Variants in PCDH15 observed in about 807,000 individuals in gnomAD.
The protein encoded by PCDH15 is protocadherin related 15.
Under a neutral mutation model 178.5 loss-of-function variants are expected in PCDH15, and 129 were observed. That is an observed-to-expected ratio of 0.72 (90% CI 0.63 to 0.84). The LOEUF (loss-of-function observed/expected upper bound fraction) is 0.84, where lower values mean the gene tolerates loss of function less well. Among genes scored for constraint, PCDH15 ranks in the 40% least tolerant of loss-of-function variants. The probability of loss-of-function intolerance (pLI) is 0.00; values close to 1 mark genes in which losing one functional copy is unlikely to be tolerated. For missense variants in PCDH15, 2,230 were observed against 2,099.9 expected (o/e 1.06, Z -1.21); for synonymous variants, 800 against 732.0 (o/e 1.09, Z -1.50).
intron 2 of PCDH15, among the ~76,000 whole-genome samples, chr10:54,930,093 G>A (rs1182301828): frequency 6.6e-6 from 1 of 152,254 alleles, no homozygotes; most frequent in East Asian, 1.9e-4. Context: ...TCTACCTGGG[G>A]GCTAGGCATG....
intron 10 of PCDH15, among the ~76,000 whole-genome samples, chr10:54,210,025 C>T (rs1164943880): frequency 6.6e-6 from 1 of 152,100 alleles, no homozygotes; most frequent in Non-Finnish European, 1.5e-5. Flanking sequence ...CACATCAGCA[C>T]TAAGAATCAA....
chr10:54,461,734 A>T (rs1423358415), intron 3 of PCDH15, among the ~76,000 whole-genome samples: 1 of 151,958 alleles, frequency 6.6e-6, no homozygotes, highest in Admixed American at 6.6e-5. Flanking sequence ...ATAAAACAGA[A>T]CCTCCTTCTT....
chr10:53,896,850 C>T (rs918847065), intron 26 of PCDH15, among the ~76,000 whole-genome samples: 2 of 152,176 alleles, frequency 1.3e-5, no homozygotes, highest in African/African-American at 2.4e-5. Context: ...TGTCTCTCAT[C>T]ACACCCAGAT....
chr10:54,431,163 C>G (rs1410931082), intron 3 of PCDH15, among the ~76,000 whole-genome samples: 1 of 152,122 alleles, frequency 6.6e-6, no homozygotes, highest in African/African-American at 2.4e-5. Context: ...AGCTTCACTG[C>G]TGAATTCTAC....
chr10:55,488,660 C>T (rs2132125709), intron 2 of PCDH15, among the ~76,000 whole-genome samples: 1 of 151,402 alleles, frequency 6.6e-6, no homozygotes, highest in African/African-American at 2.4e-5. Flanking sequence ...AGGATAAAAG[C>T]TGAAAAAGAA....
In PCDH15 at chr10:54,870,659, G is replaced by C. The variant is rs565765881; in HGVS notation, c.-29+26791C>G. On this transcript the variant is annotated intron_variant, in intron 3 of 5. Transcript: ENST00000458638. ...AAATTAGCCGGGCGTGGTGGCGGGC[G>C]CCTGTAGTCCCAGCTACTCCGGAGG... Among the ~76,000 whole-genome samples the C allele has an allele frequency of 3.9e-5, 6 of 151,924 alleles. No homozygotes were observed. In the East Asian group the frequency reaches 9.7e-4, roughly 25 times the overall value.
At chr10:54,855,158 C>T (rs1255366196) in intron 3 of PCDH15, among the ~76,000 whole-genome samples, 1 of 152,218 alleles carries the variant, frequency 6.6e-6, no homozygotes, top group African/African-American at 2.4e-5. Context: ...AGAAGCCAGG[C>T]AGTGGTAGCA....
chr10:55,139,640 A>G (rs1478372737), intron 2 of PCDH15, among the ~76,000 whole-genome samples: 8 of 152,024 alleles, frequency 5.3e-5, no homozygotes, highest in African/African-American at 1.9e-4. Context: ...ATTCTGTTCC[A>G]TCGATCTGCA....
chr10:54,383,251 A>G (rs1056125900), intron 3 of PCDH15, among the ~76,000 whole-genome samples: 1 of 152,086 alleles, frequency 6.6e-6, no homozygotes, highest in Non-Finnish European at 1.5e-5. Context: ...AAAAAAAAAG[A>G]CTATGTATGC....
intron 2 of PCDH15, among the ~76,000 whole-genome samples, chr10:55,576,245 A>G (rs1842495381): frequency 6.6e-6 from 1 of 152,194 alleles, no homozygotes; most frequent in Non-Finnish European, 1.5e-5. Flanking sequence ...ATATTATTAA[A>G]GGTTAGAAAA....
At chr10:55,589,573 G>A (rs946382064) in intron 2 of PCDH15, among the ~76,000 whole-genome samples, 11 of 151,836 alleles carry the variant, frequency 7.2e-5, no homozygotes, top group African/African-American at 2.7e-4. Flanking sequence ...ATCTGACAAA[G>A]GGCTAATATC....
intron 2 of PCDH15, among the ~76,000 whole-genome samples, chr10:55,017,889 TA>T (rs1840222280): frequency 6.6e-6 from 1 of 152,098 alleles, no homozygotes; most frequent in South Asian, 2.1e-4. Flanking sequence ...TTCCCACAAT[TA>T]TCAAATTTTA....
intron 2 of PCDH15, among the ~76,000 whole-genome samples, chr10:55,141,082 TA>T (rs1286578415): frequency 6.6e-6 from 1 of 152,084 alleles, no homozygotes; most frequent in Non-Finnish European, 1.5e-5. Flanking sequence ...CTTGAGTCTA[TA>T]AGTTTGTCTT....
intron 28 of PCDH15, among the ~76,000 whole-genome samples, chr10:53,847,644 A>G (rs1268303205): frequency 2.6e-5 from 4 of 152,060 alleles, no homozygotes; most frequent in African/African-American, 9.7e-5. Flanking sequence ...TAATTTTGTA[A>G]CTGAGTCTGT....
intron 2 of PCDH15, among the ~76,000 whole-genome samples, chr10:54,539,206 AC>A: frequency 6.6e-6 from 1 of 152,282 alleles, no homozygotes; most frequent in African/African-American, 2.4e-5. Context: ...ATAAAGTAAC[AC>A]CCATTCATCT....
At chr10:55,391,996 T>C (rs1347459694) in intron 2 of PCDH15, among the ~76,000 whole-genome samples, 1 of 152,156 alleles carries the variant, frequency 6.6e-6, no homozygotes, top group Non-Finnish European at 1.5e-5. Context: ...TATTAACTGG[T>C]TTAGTTTCAT....
intron 17 of PCDH15, among the ~76,000 whole-genome samples, chr10:54,073,854 A>G (rs2094292305): frequency 1.3e-5 from 2 of 152,188 alleles, no homozygotes; most frequent in Admixed American, 6.5e-5. Flanking sequence ...TCACTGTGTT[A>G]TTGGTTGATT....
intron 2 of PCDH15, among the ~76,000 whole-genome samples, chr10:55,546,582 A>G (rs191002297): frequency 1.2e-3 from 176 of 152,316 alleles, no homozygotes; most frequent in Non-Finnish European, 1.8e-3. Context: ...ATTTACCAAT[A>G]TAACACAACA....
At position 53,920,820 on chromosome 10, in the gene PCDH15, G is replaced by A. The variant is rs192932317; in HGVS notation, c.3374-17450C>T. Among the ~76,000 whole-genome samples the A allele has an allele frequency of 5.9e-3, 903 of 152,114 alleles. 4 individuals are homozygous for A. Among genetic ancestry groups the A allele is most frequent in the Non-Finnish European group, 8.1e-3 (549 of 67,986 alleles). On this transcript the variant is annotated intron_variant, in intron 25 of 37. Coordinates refer to ENST00000644397, the MANE Select transcript of PCDH15 (RefSeq NM_001384140.1). ...AATAAGAATTTTCCTGCTTGTTTGC[G>A]AAATATTTCCCTAGGTATATTGGAT...
Sources: gnomAD v4.1 joint callset for allele counts (sites outside exome capture counted in the v4.1 genomes callset) on GRCh38, gnomAD v4.1.1 for gene constraint, MANE v1.5 for transcripts, NCBI Gene and HGNC (gene_info 2026-07-23, HGNC 2026-07-21) for gene names.